Variants in ST3GAL3 observed in about 807,000 individuals in gnomAD.
The protein encoded by ST3GAL3 is CMP-N-acetylneuraminate-beta-1,4-galactoside alpha-2,3-sialyltransferase.
Under a neutral mutation model 50.1 loss-of-function variants are expected in ST3GAL3, and 21 were observed. That is an observed-to-expected ratio of 0.42 (90% CI 0.30 to 0.60). The LOEUF is 0.60. Among genes scored for constraint, ST3GAL3 ranks in the 20% least tolerant of loss-of-function variants. ST3GAL3 has a pLI of 0.19. For missense variants in ST3GAL3, 353 were observed against 489.4 expected (o/e 0.72, Z 2.63); for synonymous variants, 183 against 190.0 (o/e 0.96, Z 0.30).
chr1:43,904,566 C>G (rs888734432), intron 9 of ST3GAL3, among the ~76,000 whole-genome samples: 40 of 151,996 alleles, frequency 2.6e-4, no homozygotes, highest in African/African-American at 9.4e-4. Flanking sequence ...CCTCTACCCC[C>G]AGATAAAAAT....
intron 11 of ST3GAL3, among the ~76,000 whole-genome samples, chr1:43,924,342 G>A (rs917844094): frequency 2.6e-5 from 4 of 152,178 alleles, no homozygotes; most frequent in African/African-American, 9.7e-5. Flanking sequence ...TGCCCTCACA[G>A]CTTTTATCAG....
intron 4 of ST3GAL3, chr1:43,824,735 C>T (rs781193582): frequency 1.2e-6 from 2 of 1,614,014 alleles, no homozygotes; most frequent in East Asian, 2.2e-5. Flanking sequence ...TTGCAGCTCA[C>T]CGAGGACTCT....
intron 11 of ST3GAL3, among the ~76,000 whole-genome samples, chr1:43,927,631 A>G (rs2084240735): frequency 6.6e-6 from 1 of 152,160 alleles, no homozygotes; most frequent in Non-Finnish European, 1.5e-5. Context: ...TTTTCCCTGT[A>G]AAACCTAATT....
chr1:43,761,864 T>C (rs1690524030), intron 2 of ST3GAL3, among the ~76,000 whole-genome samples: 1 of 141,030 alleles, frequency 7.1e-6, no homozygotes, highest in African/African-American at 2.7e-5. Context: ...GGCAGGAGAA[T>C]AGCGTGAACC....
chr1:43,901,021 G>A (rs530954582), intron 9 of ST3GAL3, among the ~76,000 whole-genome samples: 3 of 152,340 alleles, frequency 2.0e-5, no homozygotes, highest in African/African-American at 4.8e-5. Context: ...AAATAACAGC[G>A]GTTCCAGGAG....
chr1:43,736,633 A>G lies in ST3GAL3; in HGVS notation c.118+253A>G, dbSNP rs1678589732. 6 of 602,640 alleles carry G rather than the reference A, an allele frequency of 1.0e-5. No individual in the cohort carries two copies. The Admixed American group carries it at 1.0e-4, about 10-fold the overall frequency. 37.3% of individuals were successfully genotyped at this position (602,640 alleles called of 1,614,324 possible). A position where few individuals can be genotyped will look rare whatever the true frequency, so the allele number is the denominator to read the frequency against. On this transcript the variant is annotated intron_variant, in intron 2 of 11. Coordinates refer to ENST00000347631, the MANE Select transcript of ST3GAL3 (RefSeq NM_006279.5). ...CTTGGTGAGAATGTGCTATTCTTCAATAAAAACCCAAACTATACTCATACT... is the reference window on the plus strand; with the variant it reads ...CTTGGTGAGAATGTGCTATTCTTCAGTAAAAACCCAAACTATACTCATACT...
intron 2 of ST3GAL3, among the ~76,000 whole-genome samples, chr1:43,752,969 A>G (rs1686732699): frequency 6.6e-6 from 1 of 152,242 alleles, no homozygotes; most frequent in Non-Finnish European, 1.5e-5. Context: ...AGTAACTCAT[A>G]TATGCCTTGA....
At chr1:43,795,136 A>T (rs987860026) in intron 3 of ST3GAL3, among the ~76,000 whole-genome samples, 5 of 152,254 alleles carry the variant, frequency 3.3e-5, no homozygotes, top group African/African-American at 7.2e-5. Flanking sequence ...CTCAATGTAC[A>T]GCTAATAATG....
At chr1:43,723,497 C>T (rs1671485472) in intron 1 of ST3GAL3, among the ~76,000 whole-genome samples, 1 of 152,206 alleles carries the variant, frequency 6.6e-6, no homozygotes, top group South Asian at 2.1e-4. Flanking sequence ...GAAGTGGATG[C>T]TGCTGCCTTG....
intron 5 of ST3GAL3, among the ~76,000 whole-genome samples, chr1:43,883,027 T>A (rs868706017): frequency 1.4e-4 from 22 of 151,986 alleles, no homozygotes; most frequent in African/African-American, 5.1e-4. Flanking sequence ...AGTGGCAAGA[T>A]CATAGCTCAC....
At chr1:43,724,234 A>G (rs565763324) in intron 1 of ST3GAL3, among the ~76,000 whole-genome samples, 68 of 152,096 alleles carry the variant, frequency 4.5e-4, no homozygotes, top group Non-Finnish European at 8.4e-4. Flanking sequence ...TTTTTGAGAT[A>G]GGGTCTCACT....
At chr1:43,876,957 G>C (rs560224396) in intron 5 of ST3GAL3, among the ~76,000 whole-genome samples, 3 of 152,354 alleles carry the variant, frequency 2.0e-5, no homozygotes, top group African/African-American at 7.2e-5. Flanking sequence ...GAGGCGAGCA[G>C]AGGTGAAAAA....
chr1:43,869,943 C>T (rs1558655533), intron 5 of ST3GAL3, among the ~76,000 whole-genome samples: 1 of 152,204 alleles, frequency 6.6e-6, no homozygotes, highest in Admixed American at 6.5e-5. Context: ...CTCCCTGTAG[C>T]CAAATCCACC....
intron 5 of ST3GAL3, among the ~76,000 whole-genome samples, chr1:43,881,337 T>G (rs2075095425): frequency 6.6e-6 from 1 of 152,232 alleles, no homozygotes; most frequent in South Asian, 2.1e-4. Flanking sequence ...TCCCAATGAC[T>G]AGCACAGAGC....
chr1:43,779,618 A>G (rs1226862859), intron 2 of ST3GAL3, among the ~76,000 whole-genome samples: 1 of 152,182 alleles, frequency 6.6e-6, no homozygotes, highest in Non-Finnish European at 1.5e-5. Context: ...TCAATGGAAG[A>G]TGAATATTTA....
At chr1:43,747,249 A>T (rs2154105069) in intron 2 of ST3GAL3, among the ~76,000 whole-genome samples, 1 of 152,140 alleles carries the variant, frequency 6.6e-6, no homozygotes, top group East Asian at 2.0e-4. Context: ...CTCTACTAAA[A>T]ATACAAAAAT....
At chr1:43,780,033 TGTG>T (rs1698852912) in intron 2 of ST3GAL3, among the ~76,000 whole-genome samples, 1 of 152,186 alleles carries the variant, frequency 6.6e-6, no homozygotes, top group Non-Finnish European at 1.5e-5. Context: ...ACCATCCTCT[TGTG>T]GTATATCTCA....
intron 9 of ST3GAL3, among the ~76,000 whole-genome samples, chr1:43,901,138 G>T (rs939094670): frequency 6.6e-6 from 1 of 152,238 alleles, no homozygotes; most frequent in Non-Finnish European, 1.5e-5. Flanking sequence ...ACACTTTTAA[G>T]GGAGAATGGT....
intron 3 of ST3GAL3, among the ~76,000 whole-genome samples, chr1:43,811,767 G>A (rs977476190): frequency 6.6e-6 from 1 of 152,156 alleles, no homozygotes; most frequent in African/African-American, 2.4e-5. Flanking sequence ...CCTTAAGGAC[G>A]TGTTAGGCAT....
Sources: gnomAD v4.1 joint callset for allele counts (sites outside exome capture counted in the v4.1 genomes callset) on GRCh38, gnomAD v4.1.1 for gene constraint, MANE v1.5 for transcripts, NCBI Gene and HGNC (gene_info 2026-07-23, HGNC 2026-07-21) for gene names.